The following MINDY4 variants were observed in gnomAD, a reference collection of about 807,000 sequenced individuals.
MINDY4 encodes the protein probable ubiquitin carboxyl-terminal hydrolase MINDY-4.
Under a neutral mutation model 87.0 loss-of-function variants are expected in MINDY4, and 68 were observed. The ratio of observed to expected loss-of-function variants is 0.78; its 90% CI spans 0.64 to 0.96. The LOEUF (loss-of-function observed/expected upper bound fraction) is 0.96. Among genes scored for constraint, MINDY4 ranks in the 40% least tolerant of loss-of-function variants. The pLI is 0.00. For synonymous variants in MINDY4, 379 were observed against 363.2 expected (o/e 1.04, Z -0.50); for missense variants, 919 against 928.2 (o/e 0.99, Z 0.13).
chr7:30,802,433 TC>T (rs1318806382), intron 5 of MINDY4, among the ~76,000 whole-genome samples: 1 of 152,132 alleles, frequency 6.6e-6, no homozygotes, highest in African/African-American at 2.4e-5. Context: ...TCCTTCAGTA[TC>T]TTGGACAACC....
intron 10 of MINDY4, 130 bp downstream of exon 10, chr7:30,850,685 T>C (rs921791968): frequency 2.1e-5 from 17 of 812,310 alleles, no homozygotes; most frequent in Non-Finnish European, 3.2e-5. Context: ...GGATGAGCCC[T>C]GCAAGCCAGC....
chr7:30,875,934 A>G (rs370822049), intron 15 of MINDY4, among the ~76,000 whole-genome samples: 1 of 152,330 alleles, frequency 6.6e-6, no homozygotes, highest in East Asian at 1.9e-4. Flanking sequence ...CAGTGGCTGC[A>G]GCTGGTGTCT....
At chr7:30,872,342 CCCT>C (rs770525597) in intron 14 of MINDY4, 36 bp downstream of exon 14, 6 of 1,596,454 alleles carry the variant, frequency 3.8e-6, no homozygotes, top group Non-Finnish European at 5.2e-6. Context: ...TGGTCCTTCC[CCCT>C]CCTCTGTCCC....
intron 13 of MINDY4, among the ~76,000 whole-genome samples, chr7:30,864,492 A>G (rs1789867037): frequency 6.6e-6 from 1 of 152,206 alleles, no homozygotes; most frequent in Non-Finnish European, 1.5e-5. Flanking sequence ...TGTCTTTGGG[A>G]ATTGGTGTCT....
At chr7:30,771,693 G>C in intron 1 of MINDY4, 137 bp downstream of exon 1, 1 of 815,570 alleles carries the variant, frequency 1.2e-6, no homozygotes, top group South Asian at 1.9e-5. Context: ...TGCCCCAGAA[G>C]AGCGCCGCTT....
chr7:30,884,853 A>C (rs1790582070), intron 17 of MINDY4, among the ~76,000 whole-genome samples: 1 of 151,302 alleles, frequency 6.6e-6, no homozygotes, highest in African/African-American at 2.5e-5. Context: ...TAGTCCATGC[A>C]GAGTGAGAGT....
At chr7:30,870,417 C>T (rs1042989571) in intron 13 of MINDY4, among the ~76,000 whole-genome samples, 1 of 152,218 alleles carries the variant, frequency 6.6e-6, no homozygotes, top group South Asian at 2.1e-4. Context: ...AAGCGCTATG[C>T]TCTGCCATGA....
intron 17 of MINDY4, among the ~76,000 whole-genome samples, chr7:30,888,568 C>A (rs762312325): frequency 6.6e-6 from 1 of 152,164 alleles, no homozygotes; most frequent in Non-Finnish European, 1.5e-5. Flanking sequence ...TGTGCCTGTC[C>A]GCAGTTGTTG....
intron 13 of MINDY4, among the ~76,000 whole-genome samples, chr7:30,863,615 C>T (rs1449301610): frequency 6.6e-6 from 1 of 152,128 alleles, no homozygotes; most frequent in East Asian, 1.9e-4. Flanking sequence ...GTTGGCCATT[C>T]CTAACCCAGA....
intron 12 of MINDY4, among the ~76,000 whole-genome samples, chr7:30,856,158 T>C (rs6951406): frequency 0.22 from 34,186 of 151,950 alleles, 5,300 homozygotes; most frequent in African/African-American, 0.44. Flanking sequence ...GAGTGCAGAG[T>C]AGCACTGGAA....
At chr7:30,811,816 A>T (rs1788009008) in intron 5 of MINDY4, among the ~76,000 whole-genome samples, 1 of 152,152 alleles carries the variant, frequency 6.6e-6, no homozygotes, top group South Asian at 2.1e-4. Flanking sequence ...CGACCCTCTC[A>T]TGCGGACTCC....
At chr7:30,812,281 G>A (rs5883259) in intron 5 of MINDY4, among the ~76,000 whole-genome samples, 2 of 140,878 alleles carry the variant, frequency 1.4e-5, no homozygotes, top group Admixed American at 7.3e-5. Flanking sequence ...AGGGGGGGGG[G>A]GTATGTATGT....
intron 9 of MINDY4, among the ~76,000 whole-genome samples, chr7:30,847,706 ATG>A (rs199983860): frequency 0.095 from 14,489 of 151,996 alleles, 885 homozygotes; most frequent in Middle Eastern, 0.17. Context: ...TACTCTATAT[ATG>A]TGTGTGTGTT....
At chr7:30,838,042 C>T (rs1450025685) in intron 7 of MINDY4, among the ~76,000 whole-genome samples, 1 of 152,152 alleles carries the variant, frequency 6.6e-6, no homozygotes, top group African/African-American at 2.4e-5. Context: ...AGAGGGGGTA[C>T]AGGGAAGTGG....
intron 5 of MINDY4, among the ~76,000 whole-genome samples, chr7:30,820,392 A>G (rs1473401380): frequency 6.6e-6 from 1 of 152,092 alleles, no homozygotes; most frequent in Non-Finnish European, 1.5e-5. Context: ...TAAATTAACC[A>G]TTTGAAAGTG....
rs1044210870 is a variant in MINDY4, at chr7:30,890,167, C to T, written c.2226-1790C>T. On this transcript the variant is annotated intron_variant, in intron 17 of 17. Transcript: ENST00000265299. ...AAACAGTGTAACATTCCTGGCTGAGCGTGTTTTCCAGCATCCACCTGTTTC... is the reference window on the plus strand; with the variant it reads ...AAACAGTGTAACATTCCTGGCTGAGTGTGTTTTCCAGCATCCACCTGTTTC... Among the ~76,000 whole-genome samples, 29 of 152,304 alleles carry T rather than the reference C, an allele frequency of 1.9e-4. 1 individual carries two copies. The highest frequency in any genetic ancestry group is 1.0e-3 in the Admixed American group (16 of 15,298).
chr7:30,820,501 G>T (rs191562513), intron 5 of MINDY4, among the ~76,000 whole-genome samples: 1 of 152,266 alleles, frequency 6.6e-6, no homozygotes, highest in African/African-American at 2.4e-5. Flanking sequence ...AATCCTTTAT[G>T]CATTAAGCAG....
At position 30,817,819 on chromosome 7, in the gene MINDY4, T is replaced by G. The variant is rs149311613; in HGVS notation, c.1074-10860T>G. On this transcript the variant is annotated intron_variant, in intron 5 of 17. Transcript: ENST00000265299. ...GTCTGTCCATGTCTGAACAACTCTC[T>G]CATTCATTATAATCTAACCCTCTTG... Among the ~76,000 whole-genome samples, 141 of 152,348 alleles carry G rather than the reference T, an allele frequency of 9.3e-4. 4 individuals carry two copies. The East Asian group carries it at 0.026, about 28-fold the overall frequency.
At chr7:30,787,343 G>A (rs1787185815) in intron 4 of MINDY4, among the ~76,000 whole-genome samples, 1 of 152,204 alleles carries the variant, frequency 6.6e-6, no homozygotes, top group Admixed American at 6.5e-5. Flanking sequence ...CCCTGTCCAG[G>A]GGAAAGGGGC....
Sources: gnomAD v4.1 joint callset for allele counts (sites outside exome capture counted in the v4.1 genomes callset) on GRCh38, gnomAD v4.1.1 for gene constraint, MANE v1.5 for transcripts, NCBI Gene and HGNC (gene_info 2026-07-23, HGNC 2026-07-21) for gene names.